The following ASB4 variants were observed in gnomAD, a reference collection of about 807,000 sequenced individuals.
ASB4 encodes the protein ankyrin repeat and SOCS box containing 4.
Under a neutral mutation model 38.6 loss-of-function variants are expected in ASB4, and 35 were observed. That is an observed-to-expected ratio of 0.91 (90% CI 0.69 to 1.20). The LOEUF is 1.20. ASB4 is among the 50% of genes most tolerant of loss of function. The pLI, the probability that ASB4 is intolerant of heterozygous loss-of-function variation, is 0.00. For synonymous variants in ASB4, 195 were observed against 201.3 expected (o/e 0.97, Z 0.26); for missense variants, 557 against 527.2 (o/e 1.06, Z -0.55).
upstream of ASB4, among the ~76,000 whole-genome samples, chr7:95,484,470 A>T (rs1235978638): frequency 6.6e-6 from 1 of 152,222 alleles, no homozygotes; most frequent in African/African-American, 2.4e-5. Flanking sequence ...GTTTAACCTC[A>T]ATGTTGATTA....
chr7:95,507,218 T>C (rs921481820), intron 2 of ASB4, among the ~76,000 whole-genome samples: 4 of 147,784 alleles, frequency 2.7e-5, no homozygotes, highest in African/African-American at 7.9e-5. Context: ...CTCTTATGAA[T>C]TTTTTTTTCC....
At chr7:95,528,447 A>G in intron 3 of ASB4, 144 bp downstream of exon 3, 1 of 1,477,046 alleles carries the variant, frequency 6.8e-7, no homozygotes, top group Non-Finnish European at 8.9e-7. Flanking sequence ...TTACATACCT[A>G]ATCCTAGCTG....
rs1332805338 is a variant in ASB4 at position 95,539,239 on chromosome 7, T to G, written c.*1480T>G. The G allele has an allele frequency of 6.6e-6, 1 of 152,190 alleles. No individual in the cohort carries two copies. Among genetic ancestry groups the G allele is most frequent in the Non-Finnish European group, 1.5e-5 (1 of 68,030 alleles). 9.4% of individuals were successfully genotyped at this position (152,190 alleles called of 1,614,324 possible). A position where few individuals can be genotyped will look rare whatever the true frequency, so the allele number is the denominator to read the frequency against. ...TAACTTTGGATGCTGGAGTGTTGAATAGAGATGATGTCAGATATTCCAATA... is the reference window on the plus strand; with the variant it reads ...TAACTTTGGATGCTGGAGTGTTGAAGAGAGATGATGTCAGATATTCCAATA... On this transcript the variant is annotated 3_prime_UTR_variant, in exon 5 of 5. Transcript: ENST00000325885.
chr7:95,493,827 A>C (rs189560176), intron 1 of ASB4, among the ~76,000 whole-genome samples: 1 of 152,184 alleles, frequency 6.6e-6, no homozygotes, highest in East Asian at 1.9e-4. Flanking sequence ...ATATCTTGAG[A>C]TCTTTCCATT....
intron 2 of ASB4, among the ~76,000 whole-genome samples, chr7:95,517,921 A>G (rs537887391): frequency 4.1e-4 from 63 of 152,310 alleles, no homozygotes; most frequent in African/African-American, 1.3e-3. Flanking sequence ...AATGAGGGCA[A>G]AGAGTCCATG....
At chr7:95,526,803 T>TA in intron 2 of ASB4, among the ~76,000 whole-genome samples, 1 of 152,292 alleles carries the variant, frequency 6.6e-6, no homozygotes. Context: ...GAAGTAGCTA[T>TA]AAAAAATTCC....
rs1448816033 is a variant in ASB4 at position 95,537,762 on chromosome 7, C to T, written c.*3C>T. 2 of 1,611,750 alleles carry T rather than the reference C, an allele frequency of 1.2e-6. No homozygotes were observed. The highest frequency in any genetic ancestry group is 1.7e-6 in the Non-Finnish European group (2 of 1,178,468). ...AGCCAGAGGGAATTATTTATTAAGCCTTATGAGACAGCAGTTCCCAATCCT... is the reference window on the plus strand; with the variant it reads ...AGCCAGAGGGAATTATTTATTAAGCTTTATGAGACAGCAGTTCCCAATCCT... On this transcript the variant is annotated 3_prime_UTR_variant, in exon 5 of 5. Coordinates refer to ENST00000325885, the MANE Select transcript of ASB4 (RefSeq NM_016116.3).
At chr7:95,520,966 C>A (rs1470091072) in intron 2 of ASB4, among the ~76,000 whole-genome samples, 2 of 151,936 alleles carry the variant, frequency 1.3e-5, no homozygotes, top group Non-Finnish European at 2.9e-5. Context: ...CTTTTTACTT[C>A]ACTTTTCCAA....
chr7:95,541,956 C>T (rs62467699), downstream of ASB4, among the ~76,000 whole-genome samples: 24,064 of 151,910 alleles, frequency 0.16, 2,177 homozygotes, highest in African/African-American at 0.24. Context: ...AGTCCCAGCT[C>T]CTCCGGAGGC....
intron 1 of ASB4, among the ~76,000 whole-genome samples, chr7:95,492,839 G>A (rs975925863): frequency 6.6e-6 from 1 of 152,170 alleles, no homozygotes; most frequent in African/African-American, 2.4e-5. Context: ...GGAAATTTGA[G>A]TATTAAAATG....
chr7:95,490,319 A>G (rs1790153171), intron 1 of ASB4, among the ~76,000 whole-genome samples: 1 of 152,048 alleles, frequency 6.6e-6, no homozygotes, highest in African/African-American at 2.4e-5. Flanking sequence ...TCCCATTTCC[A>G]TCCTAGGGTT....
At chr7:95,549,221 A>C in the ASB4 span, among the ~76,000 whole-genome samples, 1 of 152,046 alleles carries the variant, frequency 6.6e-6, no homozygotes. Flanking sequence ...CATATTAAGA[A>C]AGTGGTTAAA....
At chr7:95,536,578 T>A in intron 4 of ASB4, 28 bp downstream of exon 4, 2 of 1,522,118 alleles carry the variant, frequency 1.3e-6, no homozygotes, top group Admixed American at 1.7e-5. Flanking sequence ...TTCTAATAGT[T>A]TTCACTATCA....
upstream of ASB4, among the ~76,000 whole-genome samples, chr7:95,477,689 G>A (rs1789989778): frequency 6.6e-6 from 1 of 150,632 alleles, no homozygotes; most frequent in South Asian, 2.1e-4. Context: ...GATGGCCTCA[G>A]TACTTTTTTT....
chr7:95,514,860 T>G (rs1285101002), intron 2 of ASB4, among the ~76,000 whole-genome samples: 2 of 152,240 alleles, frequency 1.3e-5, no homozygotes, highest in Non-Finnish European at 2.9e-5. Context: ...GGACTTGGTC[T>G]TTATGAGACC....
intron 2 of ASB4, among the ~76,000 whole-genome samples, chr7:95,524,324 CAG>C (rs1790707074): frequency 6.6e-6 from 1 of 152,114 alleles, no homozygotes; most frequent in African/African-American, 2.4e-5. Context: ...CAGCACAAGA[CAG>C]ATTATTTTCA....
intron 2 of ASB4, among the ~76,000 whole-genome samples, chr7:95,513,249 G>GTTTTTT (rs1379114558): frequency 1.3e-4 from 5 of 38,524 alleles, no homozygotes; most frequent in Admixed American, 6.4e-4. Context: ...TTTGTTTTTT[G>GTTTTTT]TTTGTTTTTT....
In ASB4 at chr7:95,501,192, T is replaced by A. The variant is rs1051860104; in HGVS notation, c.487+5135T>A. 2.6e-5 allele frequency among the ~76,000 whole-genome samples: 4 copies of A among 152,198 alleles called. 1 individual carries two copies. The highest frequency in any genetic ancestry group is 5.9e-5 in the Non-Finnish European group (4 of 68,026). On this transcript the variant is annotated intron_variant, in intron 2 of 4. Coordinates refer to ENST00000325885, the MANE Select transcript of ASB4 (RefSeq NM_016116.3). ...TGAAAATGAAAGCTGCCCACTTTAC[T>A]CTGCATGAAGCAAATCCTGACAGTA...
intron 2 of ASB4, 63 bp from the exon 3 acceptor site, chr7:95,527,750 T>C (rs2116645114): frequency 6.9e-7 from 1 of 1,453,438 alleles, no homozygotes; most frequent in South Asian, 1.4e-5. Flanking sequence ...TCTTGTTTAA[T>C]GAACCTTAGG....
Sources: gnomAD v4.1 joint callset for allele counts (sites outside exome capture counted in the v4.1 genomes callset) on GRCh38, gnomAD v4.1.1 for gene constraint, MANE v1.5 for transcripts, NCBI Gene and HGNC (gene_info 2026-07-23, HGNC 2026-07-21) for gene names.